Variants in FER observed in about 807,000 individuals in gnomAD.
FER encodes the protein FER tyrosine kinase.
In FER, 63 loss-of-function variants were observed where a neutral mutation model predicts 111.0. That is an observed-to-expected ratio of 0.57 (90% CI 0.46 to 0.70). FER has a LOEUF of 0.70. Ranked by LOEUF, FER falls within the 30% of genes least tolerant of loss-of-function variation. The pLI, the probability that FER is intolerant of heterozygous loss-of-function variation, is 0.00. For synonymous variants in FER, 327 were observed against 313.9 expected, an observed-to-expected ratio of 1.04 and a Z score of -0.44; for missense variants, 914 against 954.0, an observed-to-expected ratio of 0.96 and a Z score of 0.55.
At chr5:108,789,928 A>T (rs1034631617) in intron 2 of FER, among the ~76,000 whole-genome samples, 10 of 152,198 alleles carry the variant, frequency 6.6e-5, no homozygotes, top group African/African-American at 2.4e-4. Flanking sequence ...TTGATGAGAG[A>T]AAGGTAAACA....
At chr5:109,122,709 T>C (rs1449950179) in intron 17 of FER, among the ~76,000 whole-genome samples, 3 of 152,208 alleles carry the variant, frequency 2.0e-5, no homozygotes, top group Admixed American at 6.5e-5. Flanking sequence ...TCTCTTTCTT[T>C]AGCCCTAATA....
intron 17 of FER, among the ~76,000 whole-genome samples, chr5:109,151,148 G>T (rs1754802736): frequency 2.0e-5 from 3 of 152,058 alleles, no homozygotes; most frequent in South Asian, 2.1e-4. Flanking sequence ...TTTGATGGAG[G>T]TTTCAGATTT....
chr5:109,074,016 C>G (rs1000045024), intron 16 of FER, among the ~76,000 whole-genome samples: 2 of 151,998 alleles, frequency 1.3e-5, no homozygotes, highest in African/African-American at 4.8e-5. Flanking sequence ...TCCTGTCTTA[C>G]TCAAAAATGT....
In FER at chr5:109,180,274, A is replaced by G. The variant is rs565226005; in HGVS notation, c.2049-473A>G. 9.6e-4 allele frequency among the ~76,000 whole-genome samples: 146 copies of G among 152,296 alleles called. 3 individuals are homozygous for G. The highest frequency in any genetic ancestry group is 1.7e-3 in the Non-Finnish European group (115 of 68,028). Reference sequence around the variant, plus strand: ...CCTAAGAATTGTCTTATCAGAGTCTACTCAGTATCTACTAGGCACATGCAG... The same window carrying G: ...CCTAAGAATTGTCTTATCAGAGTCTGCTCAGTATCTACTAGGCACATGCAG... On this transcript the variant is annotated intron_variant, in intron 17 of 19. Transcript: ENST00000281092.
In FER at chr5:109,189,220, C is replaced by CTCAGGATAAATGCATATATAGAA. The variant is rs1380749699; in HGVS notation, c.*1646_*1668dup. On this transcript the variant is annotated 3_prime_UTR_variant, in exon 20 of 20. Coordinates refer to ENST00000281092, the MANE Select transcript of FER (RefSeq NM_005246.4). ...CCCCATGATCTGTATATAGTTGCCT[C>CTCAGGATAAATGCATATATAGAA]TCAGGATAAATGCATATATAGAAGA... The CTCAGGATAAATGCATATATAGAA allele has an allele frequency of 6.6e-6, 1 of 151,520 alleles. No individual in the cohort carries two copies. The highest frequency in any genetic ancestry group is 2.4e-5 in the African/African-American group (1 of 41,224). The allele number at this position is 151,520 out of a possible 1,614,324, so 9.4% of individuals were successfully genotyped here.
intron 13 of FER, among the ~76,000 whole-genome samples, chr5:108,964,935 C>G (rs977672091): frequency 1.5e-4 from 23 of 151,808 alleles, no homozygotes; most frequent in African/African-American, 5.6e-4. Flanking sequence ...ATGGGCTTTT[C>G]AAAAATTGCT....
At chr5:108,884,278 T>C (rs1746715032) in intron 9 of FER, among the ~76,000 whole-genome samples, 1 of 152,026 alleles carries the variant, frequency 6.6e-6, no homozygotes, top group African/African-American at 2.4e-5. Flanking sequence ...ATACCTGCTA[T>C]TTCTGCACAA....
chr5:108,936,781 A>G (rs996968239), intron 10 of FER, among the ~76,000 whole-genome samples: 3 of 152,066 alleles, frequency 2.0e-5, no homozygotes, highest in African/African-American at 7.2e-5. Context: ...TCTCTGTATT[A>G]ACACTTTTAG....
intron 17 of FER, among the ~76,000 whole-genome samples, chr5:109,113,644 G>T (rs964749341): frequency 6.6e-6 from 1 of 152,158 alleles, no homozygotes; most frequent in African/African-American, 2.4e-5. Context: ...CTCTTGAAGG[G>T]TGGAACTATA....
intron 18 of FER, among the ~76,000 whole-genome samples, chr5:109,182,128 CATTT>C (rs1399114943): frequency 3.9e-5 from 6 of 152,240 alleles, no homozygotes; most frequent in South Asian, 2.1e-4. Flanking sequence ...GATATACAAC[CATTT>C]ATTTATCCAT....
intron 13 of FER, among the ~76,000 whole-genome samples, chr5:109,004,843 G>T (rs571790031): frequency 1.3e-5 from 2 of 152,120 alleles, no homozygotes; most frequent in South Asian, 2.1e-4. Context: ...TTGAAATTTT[G>T]TGGTGGTTGA....
At chr5:109,017,464 G>T (rs1171349952) in intron 13 of FER, among the ~76,000 whole-genome samples, 2 of 151,880 alleles carry the variant, frequency 1.3e-5, no homozygotes, top group African/African-American at 2.4e-5. Flanking sequence ...ATACCCAAAT[G>T]ACATAGTAAG....
At chr5:108,976,034 A>G (rs1761293539) in intron 13 of FER, among the ~76,000 whole-genome samples, 2 of 152,216 alleles carry the variant, frequency 1.3e-5, no homozygotes, top group Admixed American at 1.3e-4. Flanking sequence ...CCTCAGGGCC[A>G]CAGATATAGA....
chr5:108,847,196 G>A (rs1762114035), intron 5 of FER, among the ~76,000 whole-genome samples: 1 of 149,478 alleles, frequency 6.7e-6, no homozygotes, highest in African/African-American at 2.5e-5. Flanking sequence ...TATATATTAT[G>A]TTTTCATTTT....
At chr5:108,993,035 G>A (rs1044401604) in intron 13 of FER, among the ~76,000 whole-genome samples, 27 of 151,416 alleles carry the variant, frequency 1.8e-4, no homozygotes, top group African/African-American at 6.6e-4. Context: ...GCCGGGCAGA[G>A]ACGCTCCTCA....
At chr5:108,870,128 A>T (rs1764462449) in intron 6 of FER, among the ~76,000 whole-genome samples, 3 of 152,104 alleles carry the variant, frequency 2.0e-5, no homozygotes, top group Admixed American at 1.3e-4. Context: ...TTTTTGAGAC[A>T]TATAATGGTT....
chr5:108,814,281 G>A (rs574044148), intron 3 of FER, among the ~76,000 whole-genome samples: 2 of 152,226 alleles, frequency 1.3e-5, no homozygotes, highest in Non-Finnish European at 1.5e-5. Context: ...TCCCAGTTCA[G>A]ACCCCAAGGG....
intron 2 of FER, among the ~76,000 whole-genome samples, chr5:108,788,528 T>C (rs1052305920): frequency 7.3e-6 from 1 of 137,152 alleles, no homozygotes; most frequent in African/African-American, 3.2e-5. Context: ...CCTGCGACAC[T>C]AATATCTTTT....
In FER at chr5:109,180,802, G is replaced by C; in HGVS notation, c.2104G>C (p.Asp702His). ...VGENNVLKIS[D>H]FGMSRQEDGG... ...TGAAAATAATGTTCTGAAAATCAGT[G>C]ACTTTGGAATGTCTCGTCAAGAGGA... is the stretch of plus-strand genomic sequence containing the variant. Residue 702 changes from aspartate (D) to histidine (H), a missense_variant, in exon 18 of 20, where the codon GAC (aspartate) becomes CAC (histidine). Asp to His is a moderately conservative substitution (Grantham distance 81). Coordinates refer to ENST00000281092, the MANE Select transcript of FER (RefSeq NM_005246.4). 3 of 1,613,370 alleles carry C rather than the reference G, an allele frequency of 1.9e-6. No homozygotes were observed. Among genetic ancestry groups the C allele is most frequent in the Non-Finnish European group, 2.5e-6 (3 of 1,179,612 alleles).
Sources: allele counts gnomAD v4.1 joint callset (sites outside exome capture counted in the v4.1 genomes callset), GRCh38; gene constraint gnomAD v4.1.1; transcripts MANE v1.5; gene names NCBI Gene and HGNC (gene_info 2026-07-23, HGNC 2026-07-21).